Variants in AFAP1 observed in about 807,000 individuals in gnomAD.
AFAP1 encodes actin filament associated protein 1, also known as actin filament-associated protein 1.
AFAP1 carries 75 observed loss-of-function variants against 93.9 expected under a neutral mutation model. That is an observed-to-expected ratio of 0.80 (90% CI 0.66 to 0.97). The LOEUF (loss-of-function observed/expected upper bound fraction) is 0.97. Ranked by LOEUF, AFAP1 falls within the 50% of genes least tolerant of loss-of-function variation. The pLI, the probability that AFAP1 is intolerant of heterozygous loss-of-function variation, is 0.00. For synonymous variants in AFAP1, 517 were observed against 430.7 expected, an observed-to-expected ratio of 1.20 and a Z score of -2.48; for missense variants, 1,201 against 1,050.8, an observed-to-expected ratio of 1.14 and a Z score of -1.98.
chr4:7,796,675 C>T (rs1304721710), intron 10 of AFAP1, among the ~76,000 whole-genome samples: 3 of 149,556 alleles, frequency 2.0e-5, no homozygotes, highest in Non-Finnish European at 3.0e-5. Flanking sequence ...GGCGTGAACC[C>T]GGGAGACGGA....
intron 6 of AFAP1, among the ~76,000 whole-genome samples, chr4:7,821,155 T>G (rs1236327450): frequency 6.6e-6 from 1 of 152,154 alleles, no homozygotes; most frequent in East Asian, 1.9e-4. Flanking sequence ...TTACCAGCTG[T>G]GTGGCCTTGG....
chr4:7,849,704 TC>T (rs1326809784), intron 4 of AFAP1, among the ~76,000 whole-genome samples: 1 of 152,180 alleles, frequency 6.6e-6, no homozygotes, highest in East Asian at 1.9e-4. Context: ...CCTCGATCCT[TC>T]CAGCTGCCCC....
intron 1 of AFAP1, among the ~76,000 whole-genome samples, chr4:7,880,948 G>C (rs1046897264): frequency 1.3e-5 from 2 of 152,168 alleles, no homozygotes; most frequent in Non-Finnish European, 2.9e-5. Flanking sequence ...ACACTTTACT[G>C]ATGTGCAAAA....
At chr4:7,778,184 T>C in intron 14 of AFAP1, 1 of 155,320 alleles carries the variant, frequency 6.4e-6, no homozygotes, top group Non-Finnish European at 1.4e-5. Flanking sequence ...TATGATGGGG[T>C]AGAGGATAAT....
chr4:7,898,902 G>A (rs934662264), intron 1 of AFAP1, among the ~76,000 whole-genome samples: 6 of 149,972 alleles, frequency 4.0e-5, no homozygotes, highest in South Asian at 2.1e-4. Context: ...CAGAGAGGGA[G>A]AAATATATAT....
intron 11 of AFAP1, among the ~76,000 whole-genome samples, chr4:7,791,533 T>C (rs1331174977): frequency 2.6e-5 from 4 of 152,104 alleles, no homozygotes; most frequent in African/African-American, 7.2e-5. Context: ...AATTAAAACC[T>C]GAGAAATGCA....
chr4:7,848,863 C>T (rs1002711005), intron 4 of AFAP1, among the ~76,000 whole-genome samples: 5 of 152,188 alleles, frequency 3.3e-5, no homozygotes, highest in African/African-American at 1.2e-4. Flanking sequence ...AATTAAGGAA[C>T]ACTCCAGTAA....
chr4:7,836,272 G>A (rs116374387), intron 6 of AFAP1, among the ~76,000 whole-genome samples: 6 of 152,190 alleles, frequency 3.9e-5, no homozygotes, highest in Admixed American at 6.5e-5. Flanking sequence ...CAACATGGAC[G>A]GACCTTGAAA....
intron 17 of AFAP1, among the ~76,000 whole-genome samples, chr4:7,766,601 G>C (rs1238033695): frequency 6.6e-6 from 1 of 150,950 alleles, no homozygotes; most frequent in African/African-American, 2.4e-5. Flanking sequence ...GTCACGGGAG[G>C]GAAACAGAAT....
chr4:7,845,485 A>G (rs1008213985), intron 4 of AFAP1, among the ~76,000 whole-genome samples: 1 of 152,138 alleles, frequency 6.6e-6, no homozygotes, highest in Non-Finnish European at 1.5e-5. Context: ...TGAAGAGGTA[A>G]CTTTGGCAAT....
At chr4:7,929,580 T>C (rs1381126196) in intron 1 of AFAP1, among the ~76,000 whole-genome samples, 1 of 152,188 alleles carries the variant, frequency 6.6e-6, no homozygotes, top group Non-Finnish European at 1.5e-5. Flanking sequence ...CCTTCCTCCC[T>C]TCCAGAAGCA....
chr4:7,854,434 C>T (rs1166669235), intron 4 of AFAP1, among the ~76,000 whole-genome samples: 1 of 152,196 alleles, frequency 6.6e-6, no homozygotes, highest in Non-Finnish European at 1.5e-5. Flanking sequence ...CTTCTCCACA[C>T]TCAGAGAAGC....
intron 1 of AFAP1, among the ~76,000 whole-genome samples, chr4:7,895,763 T>C (rs1718725464): frequency 6.6e-6 from 1 of 151,956 alleles, no homozygotes; most frequent in Non-Finnish European, 1.5e-5. Flanking sequence ...TTTTAGGAAT[T>C]AGCAGCTCAG....
At chr4:7,885,536 A>C (rs1052891908) in intron 1 of AFAP1, among the ~76,000 whole-genome samples, 5 of 152,232 alleles carry the variant, frequency 3.3e-5, no homozygotes, top group Non-Finnish European at 5.9e-5. Context: ...ACTAGCCAGT[A>C]GACAGTTGGA....
chr4:7,881,267 C>G (rs1281482884), intron 1 of AFAP1, among the ~76,000 whole-genome samples: 1 of 152,120 alleles, frequency 6.6e-6, no homozygotes, highest in Non-Finnish European at 1.5e-5. Context: ...TGCTGGCCCT[C>G]ATGGGGTGAC....
intron 1 of AFAP1, among the ~76,000 whole-genome samples, chr4:7,907,455 CTTCT>C (rs1209685678): frequency 6.6e-6 from 1 of 152,168 alleles, no homozygotes; most frequent in African/African-American, 2.4e-5. Context: ...GGCCCAACCC[CTTCT>C]TTGACAACCG....
At chr4:7,916,946 A>G (rs956898181) in intron 1 of AFAP1, among the ~76,000 whole-genome samples, 5 of 152,170 alleles carry the variant, frequency 3.3e-5, no homozygotes, top group African/African-American at 1.2e-4. Flanking sequence ...CACTGAATGC[A>G]CTATTTCTTG....
rs543418806 is a variant in AFAP1 at position 7,869,126 on chromosome 4, G to T, written c.128-407C>A. The stretch of plus-strand genomic sequence containing the variant: ...AAGGGAAAGGGAAACGGAAAGAAAA[G>T]AGAAAAAAGAATAAAAGAGAAAGGG... On this transcript the variant is annotated intron_variant, in intron 2 of 17. Coordinates refer to ENST00000420658, the MANE Select transcript of AFAP1 (RefSeq NM_001134647.2). Among the ~76,000 whole-genome samples the T allele has an allele frequency of 2.2e-5, 3 of 134,148 alleles. No homozygotes were observed. In the East Asian group the frequency reaches 6.5e-4, roughly 29 times the overall value. 88.0% of individuals were successfully genotyped at this position (134,148 alleles called of 152,430 possible). A position where few individuals can be genotyped will look rare whatever the true frequency, so the allele number is the denominator to read the frequency against.
chr4:7,771,937 G>A (rs1311428847), intron 16 of AFAP1, among the ~76,000 whole-genome samples: 1 of 152,132 alleles, frequency 6.6e-6, no homozygotes, highest in Non-Finnish European at 1.5e-5. Flanking sequence ...GCCCGGTAGG[G>A]GCCAGCAAGT....
Sources: gnomAD v4.1 joint callset for allele counts (sites outside exome capture counted in the v4.1 genomes callset) on GRCh38, gnomAD v4.1.1 for gene constraint, MANE v1.5 for transcripts, NCBI Gene and HGNC (gene_info 2026-07-23, HGNC 2026-07-21) for gene names.